SLC6A2: variants seen among roughly 807,000 people sequenced by gnomAD.
SLC6A2 encodes sodium-dependent noradrenaline transporter.
In SLC6A2, 26 loss-of-function variants were observed where a neutral mutation model predicts 71.7. The observed-to-expected ratio is 0.36, with a 90% CI of 0.27 to 0.50. SLC6A2 has a LOEUF of 0.50. Ranked by LOEUF, SLC6A2 falls within the 20% of genes least tolerant of loss-of-function variation. The pLI, the probability that SLC6A2 is intolerant of heterozygous loss-of-function variation, is 0.96. For synonymous variants in SLC6A2, 363 were observed against 337.9 expected (o/e 1.07, Z -0.82); for missense variants, 581 against 803.9 (o/e 0.72, Z 3.35).
chr16:55,671,413 T>C (rs1466335633), intron 3 of SLC6A2, among the ~76,000 whole-genome samples: 4 of 152,084 alleles, frequency 2.6e-5, no homozygotes, highest in African/African-American at 9.7e-5. Flanking sequence ...GGCAAAGAGA[T>C]GGCAGGGGCC....
chr16:55,693,969 G>A (rs1417556623), intron 6 of SLC6A2, 41 bp from the exon 7 acceptor site: 2 of 1,307,166 alleles, frequency 1.5e-6, no homozygotes, highest in Non-Finnish European at 1.1e-6. Flanking sequence ...TTCCAGTGTT[G>A]TAGGAAGCAG....
intron 5 of SLC6A2, among the ~76,000 whole-genome samples, chr16:55,686,618 A>G (rs1485273355): frequency 6.6e-6 from 1 of 152,174 alleles, no homozygotes; most frequent in Non-Finnish European, 1.5e-5. Context: ...GGTGCACCAG[A>G]GTTCTCTCTG....
chr16:55,698,947 ATACT>A (rs1244494926), intron 11 of SLC6A2, among the ~76,000 whole-genome samples: 25 of 152,348 alleles, frequency 1.6e-4, no homozygotes, highest in African/African-American at 5.5e-4. Flanking sequence ...TGCATCGGAC[ATACT>A]TACCCTAATT....
chr16:55,690,610 T>C (rs1265583993), intron 5 of SLC6A2, among the ~76,000 whole-genome samples: 2 of 152,176 alleles, frequency 1.3e-5, no homozygotes, highest in African/African-American at 4.8e-5. Context: ...GCCTGATTTT[T>C]CACTTGGGAC....
chr16:55,703,917 G>A lies in SLC6A2; in HGVS notation c.*1571G>A, dbSNP rs904547618. The A allele has an allele frequency of 6.0e-5, 30 of 501,550 alleles. No individual in the cohort carries two copies. The African/African-American group carries it at 6.1e-4, about 10-fold the overall frequency. The allele number at this position is 501,550 out of a possible 1,614,324, so 31.1% of individuals were successfully genotyped here. A position where few individuals can be genotyped will look rare whatever the true frequency, so the allele number is the denominator to read the frequency against. The stretch of plus-strand genomic sequence containing the variant: ...CAGGGTCCTGAGGTTTCCTTGCTGG[G>A]TCGGGGTCCTCAGGTCATTCTATAG... On this transcript the variant is annotated 3_prime_UTR_variant, in exon 15 of 15. Coordinates refer to ENST00000568943, the MANE Select transcript of SLC6A2 (RefSeq NM_001172501.3).
intron 4 of SLC6A2, 83 bp downstream of exon 4, chr16:55,672,258 C>T: frequency 1.2e-6 from 2 of 1,611,640 alleles, no homozygotes; most frequent in Non-Finnish European, 1.7e-6. Context: ...AAGTCACAGA[C>T]CAAGGAGACG....
chr16:55,681,502 C>T (rs1173491358), intron 4 of SLC6A2, among the ~76,000 whole-genome samples: 1 of 152,244 alleles, frequency 6.6e-6, no homozygotes, highest in Non-Finnish European at 1.5e-5. Flanking sequence ...AGAGCTCAGA[C>T]AATTTCTGTG....
rs1805067 is a variant in SLC6A2, at chr16:55,698,511, G to A, written c.1432G>A (p.Gly478Ser). The change falls in exon 11 of 15, where the codon GGC becomes AGC. Residue 478 changes from glycine (G) to serine (S), a missense_variant. By Grantham distance (56) the Gly-to-Ser change is moderately conservative. This residue lies in a region of SLC6A2 where 334 missense variants were observed against 449.0 expected (regional missense o/e 0.74). Coordinates refer to ENST00000568943, the MANE Select transcript of SLC6A2 (RefSeq NM_001172501.3). ...VLTLLDTFAAGTSILFAVLME... is the reference protein window; with the variant it reads ...VLTLLDTFAASTSILFAVLME... The stretch of plus-strand genomic sequence containing the variant: ...GACCCTCCTGGACACCTTTGCTGCG[G>A]GCACCTCCATCCTTTTTGCTGTCCT... 3.1e-5 allele frequency: 50 copies of A among 1,613,992 alleles called. No individual in the cohort carries two copies. The highest frequency in any genetic ancestry group is 4.1e-5 in the Non-Finnish European group (48 of 1,180,000).
rs140925844 is a variant in SLC6A2 at position 55,671,341 on chromosome 16, C to G, written c.407-597C>G. Among the ~76,000 whole-genome samples, 210 of 152,120 alleles carry G rather than the reference C, an allele frequency of 1.4e-3. 1 individual carries two copies. Among genetic ancestry groups the G allele is most frequent in the African/African-American group, 4.8e-3 (200 of 41,512 alleles). On this transcript the variant is annotated intron_variant, in intron 3 of 14. Transcript: ENST00000568943. The stretch of plus-strand genomic sequence containing the variant: ...ACGATCCAGCTCCTAACGTGGCTGC[C>G]CACTGGGGGCAAGCAGGTGGTGAGT...
rs1205933782 is a variant in SLC6A2 at position 55,694,023 on chromosome 16, C to A, written c.932C>A (p.Ala311Asp). The stretch of plus-strand genomic sequence containing the variant: ...TGCTGGTTTCAGGTATGGATTGATG[C>A]CGCAACTCAGATATTTTTTTCCTTG... Reference protein sequence around the residue: ...RLKEATVWIDAATQIFFSLGA... With the variant: ...RLKEATVWIDDATQIFFSLGA... The change falls in exon 7 of 15, where the codon GCC becomes GAC. Residue 311 changes from alanine to aspartate, a missense_variant. Coordinates refer to ENST00000568943, the MANE Select transcript of SLC6A2 (RefSeq NM_001172501.3). 3 of 1,612,128 alleles carry A rather than the reference C, an allele frequency of 1.9e-6. No homozygotes were observed. Among genetic ancestry groups the A allele is most frequent in the Non-Finnish European group, 2.5e-6 (3 of 1,178,276 alleles).
intron 4 of SLC6A2, among the ~76,000 whole-genome samples, chr16:55,684,204 G>A (rs568652268): frequency 6.6e-6 from 1 of 151,530 alleles, no homozygotes; most frequent in Admixed American, 6.6e-5. Context: ...GGAGGCTGAG[G>A]TGGGAGGACC....
intron 9 of SLC6A2, among the ~76,000 whole-genome samples, chr16:55,697,388 G>A (rs1437677383): frequency 6.6e-6 from 1 of 152,180 alleles, no homozygotes; most frequent in African/African-American, 2.4e-5. Flanking sequence ...AGTGGGATAT[G>A]AGACCCTTTC....
intron 5 of SLC6A2, among the ~76,000 whole-genome samples, chr16:55,686,636 T>C (rs1965461341): frequency 6.6e-6 from 1 of 152,108 alleles, no homozygotes; most frequent in Non-Finnish European, 1.5e-5. Flanking sequence ...CTGATACTCT[T>C]AGAGTTCTTG....
chr16:55,656,426 GC>G lies in SLC6A2; in HGVS notation c.-51-213del, dbSNP rs1462410645. The G allele has an allele frequency of 7.2e-6, 4 of 556,640 alleles. No individual in the cohort carries two copies. The highest frequency in any genetic ancestry group is 1.9e-5 in the African/African-American group (1 of 52,886). The allele number at this position is 556,640 out of a possible 1,614,324, so 34.5% of individuals were successfully genotyped here. On this transcript the variant is annotated intron_variant, in intron 1 of 14. Transcript: ENST00000568943. The surrounding 1 kb of genome is among the most constrained non-coding windows in gnomAD (Gnocchi z 4.5). ...GAAAAGTGCTGCAGGGTCTTCAGCC[GC>G]CCCCAGAGGGCTGTCAGAAGTCTCC...
chr16:55,681,900 A>ATTTGTTTTGT (rs561274401), intron 4 of SLC6A2, among the ~76,000 whole-genome samples: 1 of 152,042 alleles, frequency 6.6e-6, no homozygotes, highest in African/African-American at 2.4e-5. Context: ...TTTAGTGTAA[A>ATTTGTTTTGT]TTTGTTTTGT....
At chr16:55,666,883 C>A (rs530699413) in intron 2 of SLC6A2, among the ~76,000 whole-genome samples, 8 of 152,224 alleles carry the variant, frequency 5.3e-5, no homozygotes, top group African/African-American at 1.9e-4. Context: ...GTGGCGAGGT[C>A]GGAGCAGCGA....
At chr16:55,665,853 G>A (rs775193106) in intron 2 of SLC6A2, among the ~76,000 whole-genome samples, 8 of 152,232 alleles carry the variant, frequency 5.3e-5, no homozygotes, top group Non-Finnish European at 1.2e-4. Flanking sequence ...AGTGGGATGG[G>A]AGGCAGTGTG....
chr16:55,704,969 G>C lies in SLC6A2; in HGVS notation c.*2623G>C. The stretch of plus-strand genomic sequence containing the variant: ...TTTACCTTTCCACCCACATTTAATG[G>C]AGAGAGAGTATGGGCTTTATGTTAA... On this transcript the variant is annotated 3_prime_UTR_variant, in exon 15 of 15. Coordinates refer to ENST00000568943, the MANE Select transcript of SLC6A2 (RefSeq NM_001172501.3). 1 of 366,004 alleles carries C rather than the reference G, an allele frequency of 2.7e-6. No individual in the cohort carries two copies. Among genetic ancestry groups the C allele is most frequent in the Non-Finnish European group, 4.9e-6 (1 of 204,960 alleles). The allele number at this position is 366,004 out of a possible 1,614,324, so 22.7% of individuals were successfully genotyped here.
At chr16:55,687,441 C>T (rs576605953) in intron 5 of SLC6A2, among the ~76,000 whole-genome samples, 7 of 152,276 alleles carry the variant, frequency 4.6e-5, no homozygotes, top group Middle Eastern at 6.8e-3. Context: ...AGGTGGCATT[C>T]GAGCTGGGTC....
Sources: gnomAD v4.1 joint callset for allele counts (sites outside exome capture counted in the v4.1 genomes callset) on GRCh38, gnomAD v4.1.1 for gene constraint, gnomAD v4.1.1 regional missense constraint, Gnocchi (gnomAD v3.1) non-coding constraint, MANE v1.5 for transcripts, NCBI Gene and HGNC (gene_info 2026-07-23, HGNC 2026-07-21) for gene names.